SNRPB: variants seen among roughly 807,000 people sequenced by gnomAD.
The protein encoded by SNRPB is small nuclear ribonucleoprotein-associated proteins B and B'.
SNRPB carries 5 observed loss-of-function variants against 26.6 expected under a neutral mutation model. That is an observed-to-expected ratio of 0.19 (90% CI 0.10 to 0.39). The LOEUF is 0.39. Among genes scored for constraint, SNRPB ranks in the 10% least tolerant of loss-of-function variants. The probability of loss-of-function intolerance (pLI) is 1.00; values close to 1 mark genes in which losing one functional copy is unlikely to be tolerated. For missense variants in SNRPB, 211 were observed against 311.9 expected (o/e 0.68, Z 2.44); for synonymous variants, 122 against 105.8 (o/e 1.15, Z -0.94).
At chr20:2,465,849 AGT>A in intron 2 of SNRPB, 30 bp from the exon 3 acceptor site, 8 of 1,579,244 alleles carry the variant, frequency 5.1e-6, no homozygotes, top group Non-Finnish European at 7.0e-6. Context: ...GAACAAAAAA[AGT>A]GTTAGAGGTG....
chr20:2,470,576 G>T, intron 1 of SNRPB, 112 bp downstream of exon 1: 1 of 1,360,974 alleles, frequency 7.3e-7, no homozygotes, highest in Non-Finnish European at 1.0e-6. Flanking sequence ...CTCGGCCCAG[G>T]CCTTCACCGC....
At position 2,461,936 on chromosome 20, in the gene SNRPB, A is replaced by G. The variant is rs1231948533; in HGVS notation, c.689T>C (p.Leu230Pro). 2 of 1,611,184 alleles carry G rather than the reference A, an allele frequency of 1.2e-6. No homozygotes were observed. The change falls in exon 7 of 7, where the codon CTT (leucine) becomes CCT (proline). Residue 230 changes from leucine (L) to proline (P), a missense_variant. Coordinates refer to ENST00000381342, the MANE Select transcript of SNRPB (RefSeq NM_003091.4). ...MRPPPPGMRG[L>P]L ...ATACTCTGTGGCCAAGGGTCAAAGA[A>G]GGCCTGAAGTAAGAGTAAGAAGTTT...
chr20:2,465,752 C>T lies in SNRPB; in HGVS notation c.223G>A (p.Glu75Lys). Residue 75 changes from glutamate to lysine, a missense_variant, in exon 3 of 7, where the codon GAG becomes AAG. Transcript: ENST00000381342. The part of the protein sequence containing the change: ...RVLGLVLLRG[E>K]NLVSMTVEGP... ...TCTACTGTCATTGAGACCAGATTCTCCCCTCGCAGCAGCACCAGACCGAGG... is the reference window on the plus strand; with the variant it reads ...TCTACTGTCATTGAGACCAGATTCTTCCCTCGCAGCAGCACCAGACCGAGG... 6.2e-7 allele frequency: 1 copy of T among 1,613,798 alleles called. No individual in the cohort carries two copies. The highest frequency in any genetic ancestry group is 8.5e-7 in the Non-Finnish European group (1 of 1,179,954).
intron 2 of SNRPB, among the ~76,000 whole-genome samples, chr20:2,466,801 C>T (rs1300563789): frequency 2.0e-5 from 3 of 152,164 alleles, no homozygotes; most frequent in Non-Finnish European, 4.4e-5. Context: ...TGGCCCCTCT[C>T]TAATACGTAC....
chr20:2,465,418 T>C (rs1216911223), intron 3 of SNRPB, among the ~76,000 whole-genome samples: 47 of 108,748 alleles, frequency 4.3e-4, no homozygotes, highest in African/African-American at 3.5e-5. Flanking sequence ...TTTTTTTTTT[T>C]CTTCCTTTTT....
chr20:2,467,416 G>A lies in SNRPB; in HGVS notation c.155+191C>T, dbSNP rs1048395955. 16 of 651,350 alleles carry A rather than the reference G, an allele frequency of 2.5e-5. No homozygotes were observed. In the Middle Eastern group the frequency reaches 7.5e-4, roughly 31 times the overall value. 40.3% of individuals were successfully genotyped at this position (651,350 alleles called of 1,614,324 possible). A position where few individuals can be genotyped will look rare whatever the true frequency, so the allele number is the denominator to read the frequency against. On this transcript the variant is annotated intron_variant, in intron 2 of 6. Coordinates refer to ENST00000381342, the MANE Select transcript of SNRPB (RefSeq NM_003091.4). ...GCCCTTCACAACTTGTACTTTGCTA[G>A]ACTAGAGAGCAAGGTTTGCTGGACT...
intron 6 of SNRPB, 124 bp downstream of exon 6, chr20:2,462,512 C>A (rs2085042136): frequency 4.3e-6 from 4 of 930,326 alleles, no homozygotes; most frequent in Admixed American, 1.8e-5. Context: ...TCTTTCCTTT[C>A]TGGATTTCCC....
intron 1 of SNRPB, among the ~76,000 whole-genome samples, chr20:2,470,151 G>C (rs892718793): frequency 6.6e-6 from 1 of 152,186 alleles, no homozygotes; most frequent in Non-Finnish European, 1.5e-5. Flanking sequence ...AGGCAAACAC[G>C]GAAACGTGAT....
chr20:2,464,467 T>A (rs574092822), intron 3 of SNRPB, among the ~76,000 whole-genome samples: 2 of 152,268 alleles, frequency 1.3e-5, no homozygotes, highest in Non-Finnish European at 2.9e-5. Flanking sequence ...CATTTTTAAC[T>A]GGAAAAGGCA....
intron 1 of SNRPB, among the ~76,000 whole-genome samples, chr20:2,469,264 C>T (rs1568465100): frequency 6.6e-6 from 1 of 152,210 alleles, no homozygotes; most frequent in Non-Finnish European, 1.5e-5. Flanking sequence ...CAAAATGAAT[C>T]CAGCGCCTAT....
chr20:2,463,297 T>C lies in SNRPB; in HGVS notation c.421-70A>G. 5 of 1,225,870 alleles carry C rather than the reference T, an allele frequency of 4.1e-6. No individual in the cohort carries two copies. The highest frequency in any genetic ancestry group is 6.0e-6 in the Non-Finnish European group (5 of 828,130). The allele number at this position is 1,225,870 out of a possible 1,614,324, so 75.9% of individuals were successfully genotyped here. A position where few individuals can be genotyped will look rare whatever the true frequency, so the allele number is the denominator to read the frequency against. ...GCAGCTTCCCACTCTCCTCCCCAACTTGGGGAAGGACAGTGGGAAATAACA... is the reference window on the plus strand; with the variant it reads ...GCAGCTTCCCACTCTCCTCCCCAACCTGGGGAAGGACAGTGGGAAATAACA... On this transcript the variant is annotated intron_variant, in intron 4 of 6. Transcript: ENST00000381342. This position sits in a 1 kb window ranked among gnomAD's most constrained non-coding sequence, Gnocchi z 5.0.
rs140452705 is a variant in SNRPB at position 2,463,725 on chromosome 20, TA to T, written c.420+21del. The T allele has an allele frequency of 2.0e-4, 310 of 1,544,672 alleles. 1 individual carries two copies. In the African/African-American group the frequency reaches 3.4e-3, roughly 17 times the overall value. ...CTTTATTTTAGCCACCAGGAGGTGG[TA>T]CCCTTTCCCCAACTCCTCACCTGTT... is the stretch of plus-strand genomic sequence containing the variant. On this transcript the variant is annotated intron_variant, in intron 4 of 6. Transcript: ENST00000381342. The surrounding 1 kb of genome is among the most constrained non-coding windows in gnomAD (Gnocchi z 5.0).
Position 2,462,753 on chromosome 20 carries a change from C to A in SNRPB, c.568G>T (p.Gly190Cys). The A allele has an allele frequency of 6.5e-7, 1 of 1,536,802 alleles. No homozygotes were observed. The highest frequency in any genetic ancestry group is 8.7e-7 in the Non-Finnish European group (1 of 1,145,146). ...GRGAPPPGMM[G>C]PPPGMRPPMG... ...GGAGGTCTCATACCAGGAGGTGGGCCCATCATGCCTGCAAGAGAAAAGCCC... is the reference window on the plus strand; with the variant it reads ...GGAGGTCTCATACCAGGAGGTGGGCACATCATGCCTGCAAGAGAAAAGCCC... The change falls in exon 6 of 7, where the codon GGC becomes TGC. Residue 190 changes from glycine to cysteine, a missense_variant. By Grantham distance (159) the Gly-to-Cys change is radical. Transcript: ENST00000381342.
intron 6 of SNRPB, 111 bp downstream of exon 6, chr20:2,462,525 G>T: frequency 1.0e-6 from 1 of 992,626 alleles, no homozygotes; most frequent in Non-Finnish European, 1.6e-6. Flanking sequence ...GATTTCCCTA[G>T]ATTTAAGGCT....
chr20:2,470,498 C>T (rs568325486), intron 1 of SNRPB, among the ~76,000 whole-genome samples, 190 bp downstream of exon 1: 1 of 152,182 alleles, frequency 6.6e-6, no homozygotes, highest in African/African-American at 2.4e-5. Flanking sequence ...CCGGTTCCAA[C>T]CTTTTCCTCG....
At position 2,461,938 on chromosome 20, in the gene SNRPB, G is replaced by A. The variant is rs1162319599; in HGVS notation, c.687C>T (p.Gly229=). 1 of 1,610,734 alleles carries A rather than the reference G, an allele frequency of 6.2e-7. No individual in the cohort carries two copies. Among genetic ancestry groups the A allele is most frequent in the Non-Finnish European group, 8.5e-7 (1 of 1,178,634 alleles). The part of the protein sequence containing the change: ...GMRPPPPGMR[G]LL ...ACTCTGTGGCCAAGGGTCAAAGAAG[G>A]CCTGAAGTAAGAGTAAGAAGTTTAG... The change falls in exon 7 of 7, where the codon GGC becomes GGT. Residue 229 remains glycine, a splice_region_variant and synonymous_variant. Coordinates refer to ENST00000381342, the MANE Select transcript of SNRPB (RefSeq NM_003091.4).
chr20:2,465,330 A>G (rs2085064684), intron 3 of SNRPB, among the ~76,000 whole-genome samples: 1 of 152,082 alleles, frequency 6.6e-6, no homozygotes, highest in Admixed American at 6.5e-5. Flanking sequence ...GTAGAGCTTT[A>G]AAGTCTGAGA....
At chr20:2,465,869 T>C (rs201249405) in intron 2 of SNRPB, 50 bp from the exon 3 acceptor site, 1 of 1,386,516 alleles carries the variant, frequency 7.2e-7, no homozygotes, top group East Asian at 2.3e-5. Flanking sequence ...GTGGGTAAAG[T>C]TCACCTGCCT....
At chr20:2,467,996 A>T (rs1189657455) in intron 1 of SNRPB, among the ~76,000 whole-genome samples, 1 of 152,138 alleles carries the variant, frequency 6.6e-6, no homozygotes, top group Non-Finnish European at 1.5e-5. Flanking sequence ...TCTTTCTCAT[A>T]TTATAATTGC....
Sources: gnomAD v4.1 joint callset for allele counts (sites outside exome capture counted in the v4.1 genomes callset) on GRCh38, gnomAD v4.1.1 for gene constraint, Gnocchi (gnomAD v3.1) non-coding constraint, MANE v1.5 for transcripts, NCBI Gene and HGNC (gene_info 2026-07-23, HGNC 2026-07-21) for gene names.